Variants in EDARADD observed in about 807,000 individuals in gnomAD.
EDARADD encodes the protein ectodysplasin-A receptor-associated adapter protein.
Under a neutral mutation model 25.6 loss-of-function variants are expected in EDARADD, and 20 were observed. The ratio of observed to expected loss-of-function variants is 0.78; its 90% CI spans 0.55 to 1.14. EDARADD has a LOEUF of 1.14. Ranked by LOEUF, EDARADD falls within the 50% of genes most tolerant of loss-of-function variation. The pLI is 0.00. For synonymous variants in EDARADD, 86 were observed against 94.4 expected, an observed-to-expected ratio of 0.91 and a Z score of 0.52; for missense variants, 225 against 270.1, an observed-to-expected ratio of 0.83 and a Z score of 1.17.
intron 4 of EDARADD, among the ~76,000 whole-genome samples, chr1:236,439,247 C>T (rs1421328095): frequency 6.6e-6 from 1 of 152,312 alleles, no homozygotes; most frequent in South Asian, 2.1e-4. Flanking sequence ...TTTATCTATT[C>T]ACCTACTGAA....
In EDARADD at chr1:236,432,421, T is replaced by C. The variant is rs188470263; in HGVS notation, c.219+4971T>C. 1.9e-4 allele frequency among the ~76,000 whole-genome samples: 29 copies of C among 152,034 alleles called. No individual in the cohort carries two copies. In the East Asian group the frequency reaches 3.9e-3, roughly 20 times the overall value. ...AAAAAAAAAAAATTGGGTTCCAGTT[T>C]GTAGCCAAGAATCCATGCCAAGAGG... On this transcript the variant is annotated intron_variant, in intron 4 of 5. Transcript: ENST00000334232.
intron 3 of EDARADD, among the ~76,000 whole-genome samples, chr1:236,375,690 C>T (rs938762357): frequency 6.7e-6 from 1 of 148,642 alleles, no homozygotes; most frequent in Non-Finnish European, 1.5e-5. Flanking sequence ...AAAAAATAAC[C>T]AGCCTGGGCA....
At position 236,395,362 on chromosome 1, in the gene EDARADD, G is replaced by A. The variant is rs1349054495; in HGVS notation, c.61+857G>A. ...CCCGGGTCGCGGCACCCCGGCTCCC[G>A]CCCCGCGCCTCTGGAGGGAGGTACC... On this transcript the variant is annotated intron_variant, in intron 1 of 5. Transcript: ENST00000334232. This position sits in a 1 kb window ranked among gnomAD's most constrained non-coding sequence, Gnocchi z 6.9. The A allele has an allele frequency of 7.5e-6, 10 of 1,337,376 alleles. No homozygotes were observed. The highest frequency in any genetic ancestry group is 3.1e-5 in the African/African-American group (2 of 64,298). 82.8% of individuals were successfully genotyped at this position (1,337,376 alleles called of 1,614,324 possible).
chr1:236,387,417 G>A (rs1476106371), intron 3 of EDARADD, among the ~76,000 whole-genome samples: 1 of 44,428 alleles, frequency 2.3e-5, no homozygotes, highest in African/African-American at 6.9e-5. Flanking sequence ...CCGTCCGGGA[G>A]GTGAGGGGCG....
At chr1:236,431,535 T>G (rs1658094235) in intron 4 of EDARADD, among the ~76,000 whole-genome samples, 1 of 152,214 alleles carries the variant, frequency 6.6e-6, no homozygotes, top group African/African-American at 2.4e-5. Flanking sequence ...TACAACTTAT[T>G]ACAACTGGTA....
intron 4 of EDARADD, among the ~76,000 whole-genome samples, chr1:236,442,428 G>A (rs1392525138): frequency 6.6e-6 from 1 of 152,164 alleles, no homozygotes; most frequent in Admixed American, 6.5e-5. Context: ...GCCTGGCCAT[G>A]AGCCACCAAG....
At chr1:236,381,800 G>GTT (rs1558105353) in intron 3 of EDARADD, among the ~76,000 whole-genome samples, 3 of 16,916 alleles carry the variant, frequency 1.8e-4, no homozygotes, top group African/African-American at 5.5e-4. Context: ...TCCTGTGGTT[G>GTT]CTTTTTTTTT....
chr1:236,456,820 A>C (rs1295796432), intron 4 of EDARADD, among the ~76,000 whole-genome samples: 1 of 144,252 alleles, frequency 6.9e-6, no homozygotes, highest in African/African-American at 2.6e-5. Context: ...TTGACCTTGA[A>C]CCCCGGCCCT....
intron 3 of EDARADD, among the ~76,000 whole-genome samples, chr1:236,378,120 G>A (rs1667247923): frequency 6.6e-6 from 1 of 152,114 alleles, no homozygotes; most frequent in African/African-American, 2.4e-5. Flanking sequence ...CCCTTTAGGT[G>A]GGATCTGATG....
chr1:236,371,549 T>C (rs949417147), intron 3 of EDARADD, among the ~76,000 whole-genome samples: 8 of 152,106 alleles, frequency 5.3e-5, no homozygotes. Flanking sequence ...TAATGGATGT[T>C]GGCTGTAGGT....
chr1:236,414,659 C>T (rs930348847), intron 3 of EDARADD, among the ~76,000 whole-genome samples: 1 of 152,104 alleles, frequency 6.6e-6, no homozygotes, highest in South Asian at 2.1e-4. Context: ...ACTGGCCAGG[C>T]GCGGTGGCTC....
chr1:236,429,379 T>C (rs1658034677), intron 4 of EDARADD, among the ~76,000 whole-genome samples: 1 of 150,678 alleles, frequency 6.6e-6, no homozygotes, highest in South Asian at 2.1e-4. Flanking sequence ...GCTACTTTAT[T>C]TATTTATTTA....
intron 3 of EDARADD, among the ~76,000 whole-genome samples, chr1:236,372,978 C>T (rs369216869): frequency 5.3e-5 from 7 of 131,488 alleles, no homozygotes; most frequent in South Asian, 2.6e-4. Flanking sequence ...TGCAGTGGTG[C>T]GATCTCGGCT....
upstream of EDARADD, among the ~76,000 whole-genome samples, chr1:236,391,859 C>G (rs1372149722): frequency 6.6e-6 from 1 of 152,288 alleles, no homozygotes; most frequent in Admixed American, 6.5e-5. Context: ...ACGGCTGCAG[C>G]CTTGTGCCCA....
At chr1:236,373,410 T>C (rs2102994128) in intron 3 of EDARADD, among the ~76,000 whole-genome samples, 1 of 152,308 alleles carries the variant, frequency 6.6e-6, no homozygotes, top group South Asian at 2.1e-4. Flanking sequence ...TTCACCATGC[T>C]AGCCAGGCTG....
Position 236,395,600 on chromosome 1 carries a change from C to T in EDARADD, c.61+1095C>T, listed in dbSNP as rs956969196. On this transcript the variant is annotated intron_variant, in intron 1 of 5. Transcript: ENST00000334232. This position sits in a 1 kb window ranked among gnomAD's most constrained non-coding sequence, Gnocchi z 6.9. ...GCCCCGGAGGCCTGCCAGCCCCGCT[C>T]GGACGCTCGTTTGCCCCTAACCCGC... is the stretch of plus-strand genomic sequence containing the variant. 37 of 1,554,636 alleles carry T rather than the reference C, an allele frequency of 2.4e-5. No homozygotes were observed. Among genetic ancestry groups the T allele is most frequent in the African/African-American group, 1.5e-4 (11 of 73,342 alleles).
chr1:236,360,566 G>A (rs542855108), intron 3 of EDARADD, among the ~76,000 whole-genome samples: 4 of 119,588 alleles, frequency 3.3e-5, no homozygotes, highest in African/African-American at 3.4e-5. Flanking sequence ...TTTTTTTTGA[G>A]ACAGAGTCTT....
At chr1:236,351,837 G>A (rs1666918252) in intron 3 of EDARADD, among the ~76,000 whole-genome samples, 1 of 152,126 alleles carries the variant, frequency 6.6e-6, no homozygotes, top group South Asian at 2.1e-4. Context: ...AAGGGGGTTT[G>A]GGGGTGCTAC....
chr1:236,456,354 T>C (rs563351043), intron 4 of EDARADD, among the ~76,000 whole-genome samples: 2 of 152,306 alleles, frequency 1.3e-5, no homozygotes, highest in South Asian at 4.1e-4. Flanking sequence ...GGGTCCTGTG[T>C]TGGAATAACT....
Sources: gnomAD v4.1 joint callset for allele counts (sites outside exome capture counted in the v4.1 genomes callset) on GRCh38, gnomAD v4.1.1 for gene constraint, Gnocchi (gnomAD v3.1) non-coding constraint, MANE v1.5 for transcripts, NCBI Gene and HGNC (gene_info 2026-07-23, HGNC 2026-07-21) for gene names.